The following CFAP57 variants were observed in gnomAD, a reference collection of about 807,000 sequenced individuals.
CFAP57 encodes the protein cilia and flagella associated protein 57, also known as cilia- and flagella-associated protein 57.
CFAP57 carries 116 observed loss-of-function variants against 146.8 expected under a neutral mutation model. The ratio of observed to expected loss-of-function variants is 0.79; its 90% CI spans 0.68 to 0.92. The LOEUF (loss-of-function observed/expected upper bound fraction) is 0.92. Among genes scored for constraint, CFAP57 ranks in the 40% least tolerant of loss-of-function variants. CFAP57 has a pLI of 0.00. For synonymous variants in CFAP57, 518 were observed against 552.8 expected (o/e 0.94, Z 0.88); for missense variants, 1,377 against 1,527.2 (o/e 0.90, Z 1.64).
chr1:43,183,891 C>A lies in CFAP57; in HGVS notation c.761+14C>A. On this transcript the variant is annotated intron_variant, in intron 4 of 22. Coordinates refer to ENST00000372492, the MANE Select transcript of CFAP57 (RefSeq NM_001378189.1). ...GGAATCAGAGAGGTAATGGTGCTTC[C>A]TGGGCTGGTGCTCCCACATTCATTG... The A allele has an allele frequency of 6.2e-7, 1 of 1,613,298 alleles. No homozygotes were observed. The highest frequency in any genetic ancestry group is 8.5e-7 in the Non-Finnish European group (1 of 1,180,022).
intron 5 of CFAP57, 109 bp from the exon 6 acceptor site, chr1:43,186,598 G>A (rs1011240067): frequency 9.3e-5 from 114 of 1,228,116 alleles, no homozygotes; most frequent in Admixed American, 2.4e-4. Context: ...GCAAAAGAGC[G>A]AGACTCCGTC....
chr1:43,216,843 G>T (rs1056080213), intron 12 of CFAP57, among the ~76,000 whole-genome samples: 4 of 152,218 alleles, frequency 2.6e-5, no homozygotes, highest in Admixed American at 1.3e-4. Flanking sequence ...AGAGGGGTCT[G>T]CTGTGTACCT....
chr1:43,229,603 T>C (rs1645390187), intron 18 of CFAP57, among the ~76,000 whole-genome samples: 1 of 148,756 alleles, frequency 6.7e-6, no homozygotes, highest in Non-Finnish European at 1.5e-5. Flanking sequence ...CGCCCTCACA[T>C]ACTCTTTTTC....
In CFAP57 at chr1:43,172,767, T is replaced by C; in HGVS notation, c.14T>C (p.Val5Ala). The change falls in exon 2 of 23, where the codon GTA (valine) becomes GCA (alanine). Residue 5 changes from valine (V) to alanine (A), a missense_variant. Transcript: ENST00000372492. MSAV[V>A]AQTLHVFGLR... ...TGGCGGGAGATCATGTCAGCCGTGGTAGCTCAGACGCTGCATGTTTTTGGT... is the reference window on the plus strand; with the variant it reads ...TGGCGGGAGATCATGTCAGCCGTGGCAGCTCAGACGCTGCATGTTTTTGGT... 6.2e-7 allele frequency: 1 copy of C among 1,614,160 alleles called. No individual in the cohort carries two copies. The highest frequency in any genetic ancestry group is 8.5e-7 in the Non-Finnish European group (1 of 1,180,002).
intron 8 of CFAP57, 24 bp from the exon 9 acceptor site, chr1:43,199,366 C>A: frequency 1.9e-6 from 3 of 1,608,626 alleles, no homozygotes; most frequent in South Asian, 2.2e-5. Context: ...TGCTTGCTTG[C>A]TCTCTTGCTG....
At chr1:43,223,144 A>T in intron 16 of CFAP57, 147 bp downstream of exon 16, 1 of 887,030 alleles carries the variant, frequency 1.1e-6, no homozygotes, top group Non-Finnish European at 1.7e-6. Context: ...AGCACCAGCC[A>T]GTGCACCCTC....
chr1:43,233,675 G>A (rs748180250), intron 19 of CFAP57, among the ~76,000 whole-genome samples: 1 of 152,120 alleles, frequency 6.6e-6, no homozygotes, highest in Non-Finnish European at 1.5e-5. Flanking sequence ...GGTAGAAAAC[G>A]ATGGAACATG....
intron 6 of CFAP57, among the ~76,000 whole-genome samples, chr1:43,193,012 T>C (rs181363708): frequency 1.3e-5 from 2 of 152,326 alleles, no homozygotes. Flanking sequence ...CCTTCATTCT[T>C]GACAATTTTT....
chr1:43,182,293 T>A (rs539089471), intron 3 of CFAP57, among the ~76,000 whole-genome samples: 1 of 152,312 alleles, frequency 6.6e-6, no homozygotes, highest in African/African-American at 2.4e-5. Context: ...AAGTTGCAGT[T>A]ATGTAAGGAA....
At chr1:43,220,855 C>T (rs1427135814) in intron 13 of CFAP57, among the ~76,000 whole-genome samples, 1 of 151,706 alleles carries the variant, frequency 6.6e-6, no homozygotes, top group Admixed American at 6.6e-5. Flanking sequence ...AATTAATTCA[C>T]TTTATAATTT....
chr1:43,240,039 CTG>C (rs1645850412), intron 21 of CFAP57, among the ~76,000 whole-genome samples: 1 of 152,210 alleles, frequency 6.6e-6, no homozygotes, highest in Non-Finnish European at 1.5e-5. Context: ...GATATAAAGT[CTG>C]CAAGGAGAAG....
intron 7 of CFAP57, 118 bp downstream of exon 7, chr1:43,197,810 G>A (rs1453928938): frequency 4.9e-6 from 7 of 1,431,982 alleles, no homozygotes; most frequent in African/African-American, 2.8e-5. Context: ...AGTTGGAAAA[G>A]ATTTTTAAAA....
At chr1:43,213,920 CTT>C (rs1644732766) in intron 11 of CFAP57, among the ~76,000 whole-genome samples, 1 of 142,516 alleles carries the variant, frequency 7.0e-6, no homozygotes, top group African/African-American at 2.6e-5. Context: ...GAGTTTTGCT[CTT>C]GTCACCCAGG....
intron 12 of CFAP57, among the ~76,000 whole-genome samples, chr1:43,217,270 G>A (rs557397785): frequency 2.4e-4 from 36 of 152,306 alleles, no homozygotes; most frequent in African/African-American, 8.7e-4. Flanking sequence ...ATAAATTTAA[G>A]CTGGGGAATG....
intron 6 of CFAP57, among the ~76,000 whole-genome samples, chr1:43,197,289 G>A (rs1643904611): frequency 2.6e-5 from 4 of 152,108 alleles, no homozygotes; most frequent in Admixed American, 2.6e-4. Flanking sequence ...CCCGGGAGGC[G>A]GAGCTTGCAG....
At chr1:43,247,648 T>A (rs2764418) in intron 22 of CFAP57, among the ~76,000 whole-genome samples, 1 of 152,334 alleles carries the variant, frequency 6.6e-6, no homozygotes, top group South Asian at 2.1e-4. Flanking sequence ...GTGTTAATTA[T>A]CCAAATTTCT....
In CFAP57 at chr1:43,181,805, A is replaced by T. The variant is rs1378520129; in HGVS notation, c.429A>T (p.Val143=). ...ACTGGCTGTGGGAAAAACAGAAAGT[A>T]ATGGCCATTGTTAGAATCGACACTC... is the stretch of plus-strand genomic sequence containing the variant. ...LVYWLWEKQK[V]MAIVRIDTQN... The change falls in exon 3 of 23, where the codon GTA becomes GTT. Residue 143 remains valine, a synonymous_variant. Coordinates refer to ENST00000372492, the MANE Select transcript of CFAP57 (RefSeq NM_001378189.1). The T allele has an allele frequency of 1.9e-6, 3 of 1,614,078 alleles. No homozygotes were observed. The South Asian group carries it at 3.3e-5, about 18-fold the overall frequency.
chr1:43,201,561 C>T lies in CFAP57; in HGVS notation c.1542+2058C>T, dbSNP rs1644123179. Among the ~76,000 whole-genome samples, 1 of 152,258 alleles carries T rather than the reference C, an allele frequency of 6.6e-6. No homozygotes were observed. The highest frequency in any genetic ancestry group is 1.5e-5 in the Non-Finnish European group (1 of 68,048). Reference sequence around the variant, plus strand: ...AGTGCAGAGGCGTGATCTCGGCTCACTGCAACCTCCACCTCCTGAGTTCAA... The same window carrying T: ...AGTGCAGAGGCGTGATCTCGGCTCATTGCAACCTCCACCTCCTGAGTTCAA... On this transcript the variant is annotated intron_variant, in intron 9 of 22. Transcript: ENST00000372492. The surrounding 1 kb of genome is among the most constrained non-coding windows in gnomAD (Gnocchi z 4.4).
At chr1:43,245,035 C>A (rs544467353) in intron 22 of CFAP57, among the ~76,000 whole-genome samples, 1 of 150,564 alleles carries the variant, frequency 6.6e-6, no homozygotes, top group East Asian at 2.0e-4. Flanking sequence ...TCAGGCCAGG[C>A]GCCGTGGCTC....
Sources: allele counts gnomAD v4.1 joint callset (sites outside exome capture counted in the v4.1 genomes callset), GRCh38; gene constraint gnomAD v4.1.1; non-coding constraint Gnocchi (gnomAD v3.1); transcripts MANE v1.5; gene names NCBI Gene and HGNC (gene_info 2026-07-23, HGNC 2026-07-21).